The following KCNIP4 variants were observed in gnomAD, a reference collection of about 807,000 sequenced individuals.
KCNIP4 encodes the protein potassium voltage-gated channel interacting protein 4.
Under a neutral mutation model 34.0 loss-of-function variants are expected in KCNIP4, and 12 were observed. The ratio of observed to expected loss-of-function variants is 0.35; its 90% CI spans 0.23 to 0.57. The LOEUF (loss-of-function observed/expected upper bound fraction) is 0.57, where lower values mean the gene tolerates loss of function less well. Ranked by LOEUF, KCNIP4 falls within the 20% of genes least tolerant of loss-of-function variation. The probability of loss-of-function intolerance (pLI) is 0.83; values close to 1 mark genes in which losing one functional copy is unlikely to be tolerated. For missense variants in KCNIP4, 238 were observed against 311.7 expected (o/e 0.76, Z 1.78); for synonymous variants, 124 against 102.2 (o/e 1.21, Z -1.29).
intron 1 of KCNIP4, among the ~76,000 whole-genome samples, chr4:21,746,273 C>A (rs1399058807): frequency 2.0e-5 from 3 of 152,084 alleles, no homozygotes; most frequent in Admixed American, 6.6e-5. Context: ...GTGGGAAGCA[C>A]AATTTATCCC....
intron 1 of KCNIP4, among the ~76,000 whole-genome samples, chr4:21,767,163 G>T (rs1185308576): frequency 6.6e-6 from 1 of 152,138 alleles, no homozygotes; most frequent in East Asian, 1.9e-4. Flanking sequence ...CTTTATGAAA[G>T]AATGAGAAGG....
At chr4:21,340,863 C>T (rs528487972) in intron 1 of KCNIP4, among the ~76,000 whole-genome samples, 56 of 152,108 alleles carry the variant, frequency 3.7e-4, no homozygotes, top group South Asian at 8.3e-4. Context: ...ATTACACAGT[C>T]TATATTCTAT....
chr4:21,762,896 G>T, intron 1 of KCNIP4: 1 of 1,280,516 alleles, frequency 7.8e-7, no homozygotes, highest in Admixed American at 2.3e-5. Flanking sequence ...GGTGTAGGTG[G>T]ATGGAATTGG....
intron 1 of KCNIP4, among the ~76,000 whole-genome samples, chr4:21,562,301 T>C (rs1739538849): frequency 6.6e-6 from 1 of 151,476 alleles, no homozygotes; most frequent in Non-Finnish European, 1.5e-5. Context: ...TCTAAAGGAG[T>C]CAGAATGAAT....
At chr4:20,867,981 C>T (rs1723037443) in intron 2 of KCNIP4, among the ~76,000 whole-genome samples, 1 of 151,310 alleles carries the variant, frequency 6.6e-6, no homozygotes. Flanking sequence ...AACAAACCTG[C>T]ACATTGTGCA....
chr4:21,767,312 T>G (rs951185117), intron 1 of KCNIP4, among the ~76,000 whole-genome samples: 1 of 151,860 alleles, frequency 6.6e-6, no homozygotes, highest in Non-Finnish European at 1.5e-5. Context: ...GGAATCTATG[T>G]GGGGGTTCAG....
chr4:21,360,157 G>A (rs1361129685), intron 1 of KCNIP4, among the ~76,000 whole-genome samples: 1 of 152,026 alleles, frequency 6.6e-6, no homozygotes, highest in Non-Finnish European at 1.5e-5. Flanking sequence ...CTGATTGATA[G>A]ACATGACCTT....
chr4:21,458,710 C>G (rs76174334), intron 1 of KCNIP4, among the ~76,000 whole-genome samples: 1,698 of 152,174 alleles, frequency 0.011, 30 homozygotes, highest in Admixed American at 0.021. Context: ...ACTTTTCATT[C>G]CCCTATTCTC....
intron 1 of KCNIP4, among the ~76,000 whole-genome samples, chr4:21,290,082 A>G (rs1222573831): frequency 6.6e-6 from 1 of 152,202 alleles, no homozygotes; most frequent in East Asian, 1.9e-4. Context: ...GGCTCTTGAT[A>G]ACTTTTTTGA....
chr4:21,312,723 C>T (rs957183006), intron 1 of KCNIP4, among the ~76,000 whole-genome samples: 1 of 152,168 alleles, frequency 6.6e-6, no homozygotes, highest in East Asian at 1.9e-4. Context: ...TTCCTGCATT[C>T]ATGACAACTT....
intron 3 of KCNIP4, among the ~76,000 whole-genome samples, chr4:20,789,815 A>C (rs1411490003): frequency 6.6e-6 from 1 of 151,618 alleles, no homozygotes; most frequent in African/African-American, 2.4e-5. Context: ...CATCAAAAGC[A>C]GAACTGTAAA....
At chr4:21,212,550 T>C (rs1057013520) in intron 1 of KCNIP4, among the ~76,000 whole-genome samples, 2 of 152,170 alleles carry the variant, frequency 1.3e-5, no homozygotes, top group African/African-American at 4.8e-5. Flanking sequence ...ACAATGAATA[T>C]CACAAACTGG....
intron 1 of KCNIP4, among the ~76,000 whole-genome samples, chr4:21,132,170 A>G (rs983679935): frequency 1.3e-5 from 2 of 152,236 alleles, no homozygotes; most frequent in Non-Finnish European, 2.9e-5. Flanking sequence ...CAAAATGTTT[A>G]TCAAGCCTCG....
At chr4:20,903,523 T>C (rs1024999336) in intron 1 of KCNIP4, among the ~76,000 whole-genome samples, 2 of 152,130 alleles carry the variant, frequency 1.3e-5, no homozygotes, top group South Asian at 4.1e-4. Flanking sequence ...TTTCTATTGA[T>C]CTCAGGTCTT....
chr4:21,241,724 A>G (rs1202679285), intron 1 of KCNIP4, among the ~76,000 whole-genome samples: 1 of 152,138 alleles, frequency 6.6e-6, no homozygotes, highest in African/African-American at 2.4e-5. Context: ...TTTTGTTTAA[A>G]GCTCTGAGTG....
chr4:20,799,299 T>C (rs1205747854), intron 3 of KCNIP4, among the ~76,000 whole-genome samples: 4 of 152,160 alleles, frequency 2.6e-5, no homozygotes, highest in Admixed American at 1.3e-4. Context: ...TGAGGCAGCT[T>C]CCTGAACCTA....
intron 1 of KCNIP4, among the ~76,000 whole-genome samples, chr4:21,104,680 C>G (rs1046438826): frequency 1.8e-4 from 28 of 151,718 alleles, no homozygotes; most frequent in Non-Finnish European, 3.2e-4. Context: ...ATGTGTATGT[C>G]CTGAATATTA....
chr4:21,315,854 T>C (rs1365862674), intron 1 of KCNIP4, among the ~76,000 whole-genome samples: 1 of 152,172 alleles, frequency 6.6e-6, no homozygotes, highest in East Asian at 1.9e-4. Context: ...TTCAGTGGTA[T>C]TTTGCTGGTA....
chr4:21,256,381 T>G (rs1761062535), intron 1 of KCNIP4, among the ~76,000 whole-genome samples: 1 of 143,482 alleles, frequency 7.0e-6, no homozygotes, highest in African/African-American at 2.6e-5. Context: ...GGAGTTTGAG[T>G]CCAGCCTGGG....
Sources: gnomAD v4.1 joint callset for allele counts (sites outside exome capture counted in the v4.1 genomes callset) on GRCh38, gnomAD v4.1.1 for gene constraint, MANE v1.5 for transcripts, NCBI Gene and HGNC (gene_info 2026-07-23, HGNC 2026-07-21) for gene names.